FBXO4: variants seen among roughly 807,000 people sequenced by gnomAD.
FBXO4 encodes the protein F-box protein 4, also known as F-box only protein 4.
A neutral mutation model predicts 43.7 loss-of-function variants in FBXO4; 36 were observed. That is an observed-to-expected ratio of 0.82 (90% CI 0.63 to 1.09). FBXO4 has a LOEUF of 1.09. Ranked by LOEUF, FBXO4 falls within the 50% of genes least tolerant of loss-of-function variation. The probability of loss-of-function intolerance (pLI) is 0.00; values close to 1 mark genes in which losing one functional copy is unlikely to be tolerated. For missense variants in FBXO4, 435 were observed against 474.1 expected (o/e 0.92, Z 0.77); for synonymous variants, 180 against 165.6 (o/e 1.09, Z -0.67).
chr5:41,995,456 G>A, the FBXO4 span, among the ~76,000 whole-genome samples: 1 of 152,182 alleles, frequency 6.6e-6, no homozygotes, highest in Admixed American at 6.5e-5. Flanking sequence ...GGCAAATCGG[G>A]CACTCAGCAG....
At chr5:41,933,181 T>G (rs1001094465) in intron 3 of FBXO4, among the ~76,000 whole-genome samples, 1 of 152,186 alleles carries the variant, frequency 6.6e-6, no homozygotes, top group African/African-American at 2.4e-5. Flanking sequence ...TCTTCAGTAT[T>G]TTCTCAATTT....
the FBXO4 span, among the ~76,000 whole-genome samples, chr5:41,981,451 T>G: frequency 2.0e-5 from 3 of 151,870 alleles, no homozygotes; most frequent in Non-Finnish European, 4.4e-5. Context: ...ATGGATTTTT[T>G]GGGTTTGGAT....
In FBXO4 at chr5:41,933,809, A is replaced by G. The variant is rs915189994; in HGVS notation, c.647-137A>G. 17 of 641,892 alleles carry G rather than the reference A, an allele frequency of 2.6e-5. No individual in the cohort carries two copies. The South Asian group carries it at 3.3e-4, about 13-fold the overall frequency. The allele number at this position is 641,892 out of a possible 1,614,324, so 39.8% of individuals were successfully genotyped here. A position where few individuals can be genotyped will look rare whatever the true frequency, so the allele number is the denominator to read the frequency against. On this transcript the variant is annotated intron_variant, in intron 3 of 6. Transcript: ENST00000281623. The stretch of plus-strand genomic sequence containing the variant: ...ACGGTATCTTTTCTTCAACGTATAC[A>G]TTTTATTTCAACTCTATGTATAAGT...
chr5:41,959,485 T>C, the FBXO4 span, among the ~76,000 whole-genome samples: 1 of 152,120 alleles, frequency 6.6e-6, no homozygotes, highest in Admixed American at 6.6e-5. Flanking sequence ...GAGCTTTCCC[T>C]CCATTTTTTT....
At chr5:41,979,397 T>C in the FBXO4 span, among the ~76,000 whole-genome samples, 2 of 152,210 alleles carry the variant, frequency 1.3e-5, 1 homozygote, top group Admixed American at 1.3e-4. Flanking sequence ...GTAGTACAGC[T>C]ATAGTGCACA....
chr5:41,942,458 GATATT>G (rs1240107150), downstream of FBXO4, among the ~76,000 whole-genome samples: 10 of 151,766 alleles, frequency 6.6e-5, no homozygotes, highest in Non-Finnish European at 1.3e-4. Context: ...CTATAATTAA[GATATT>G]ATATCTGATG....
At chr5:42,012,832 C>T in the FBXO4 span, among the ~76,000 whole-genome samples, 1 of 152,100 alleles carries the variant, frequency 6.6e-6, no homozygotes, top group East Asian at 1.9e-4. Context: ...GATTATTGCT[C>T]CTGTATTAGA....
Position 41,925,329 on chromosome 5 carries a change from G to T in FBXO4, c.20G>T (p.Arg7Leu). 1 of 1,346,814 alleles carries T rather than the reference G, an allele frequency of 7.4e-7. No homozygotes were observed. Among genetic ancestry groups the T allele is most frequent in the Non-Finnish European group, 9.6e-7 (1 of 1,043,760 alleles). 83.4% of individuals were successfully genotyped at this position (1,346,814 alleles called of 1,614,324 possible). A position where few individuals can be genotyped will look rare whatever the true frequency, so the allele number is the denominator to read the frequency against. Residue 7 changes from arginine to leucine, a missense_variant, in exon 1 of 7, where the codon CGC (arginine) becomes CTC (leucine). Coordinates refer to ENST00000281623, the MANE Select transcript of FBXO4 (RefSeq NM_012176.3). ...CAAGCCATGGCGGGAAGCGAGCCGC[G>T]CAGCGGAACAAACTCGCCGCCGCCG... MAGSEPRSGTNSPPPPF... is the reference protein window; with the variant it reads MAGSEPLSGTNSPPPPF...
the FBXO4 span, among the ~76,000 whole-genome samples, chr5:42,012,356 A>G: frequency 6.6e-6 from 1 of 151,978 alleles, no homozygotes; most frequent in Non-Finnish European, 1.5e-5. Context: ...GTGTGTGTAC[A>G]CTGAAAGATC....
At chr5:41,932,860 A>C (rs903781019) in intron 3 of FBXO4, among the ~76,000 whole-genome samples, 1 of 152,184 alleles carries the variant, frequency 6.6e-6, no homozygotes, top group African/African-American at 2.4e-5. Flanking sequence ...TCTTTTGAGG[A>C]GGCAAAAGGA....
At chr5:41,939,871 A>T in intron 6 of FBXO4, among the ~76,000 whole-genome samples, 1 of 87,614 alleles carries the variant, frequency 1.1e-5, no homozygotes, top group African/African-American at 4.6e-5. Context: ...TTTTGTTGAG[A>T]CAGGGTCTCA....
At chr5:41,954,150 C>CTGA in the FBXO4 span, among the ~76,000 whole-genome samples, 1 of 152,048 alleles carries the variant, frequency 6.6e-6, no homozygotes, top group South Asian at 2.1e-4. Context: ...TCAGTTCCTA[C>CTGA]AATTTTTTTT....
chr5:42,030,252 A>G, the FBXO4 span, among the ~76,000 whole-genome samples: 1 of 152,220 alleles, frequency 6.6e-6, no homozygotes, highest in East Asian at 1.9e-4. Context: ...CTGGTACCAA[A>G]ACAGAGATAT....
chr5:41,966,268 C>T, the FBXO4 span, among the ~76,000 whole-genome samples: 1 of 152,032 alleles, frequency 6.6e-6, no homozygotes, highest in Non-Finnish European at 1.5e-5. Context: ...GCACGTTGTG[C>T]ACACGTACCC....
chr5:41,947,114 A>G, the FBXO4 span, among the ~76,000 whole-genome samples: 3 of 152,232 alleles, frequency 2.0e-5, no homozygotes, highest in African/African-American at 7.2e-5. Context: ...CCTAGAAAAA[A>G]ATTGAAATCT....
chr5:41,965,905 T>C, the FBXO4 span, among the ~76,000 whole-genome samples: 3 of 152,170 alleles, frequency 2.0e-5, no homozygotes, highest in Non-Finnish European at 2.9e-5. Flanking sequence ...AACCCAAATG[T>C]CCAACCATGA....
the FBXO4 span, among the ~76,000 whole-genome samples, chr5:41,963,471 A>G: frequency 0.079 from 12,094 of 152,182 alleles, 689 homozygotes; most frequent in African/African-American, 0.16. Flanking sequence ...GATCCCCCAC[A>G]TTGTCAAACA....
chr5:42,018,259 G>C, the FBXO4 span, among the ~76,000 whole-genome samples: 1 of 151,510 alleles, frequency 6.6e-6, no homozygotes, highest in Non-Finnish European at 1.5e-5. Flanking sequence ...AAATGTTTCA[G>C]ATTAGCAGTG....
chr5:42,010,559 CT>C, the FBXO4 span, among the ~76,000 whole-genome samples: 1 of 151,620 alleles, frequency 6.6e-6, no homozygotes, highest in African/African-American at 2.4e-5. Flanking sequence ...AAATATTTCA[CT>C]TTAGGTATAT....
Sources: allele counts gnomAD v4.1 joint callset (sites outside exome capture counted in the v4.1 genomes callset), GRCh38; gene constraint gnomAD v4.1.1; transcripts MANE v1.5; gene names NCBI Gene and HGNC (gene_info 2026-07-23, HGNC 2026-07-21).